DOK6: variants seen among roughly 807,000 people sequenced by gnomAD.
DOK6 encodes docking protein 6.
In DOK6, 22 loss-of-function variants were observed where a neutral mutation model predicts 44.0. That is an observed-to-expected ratio of 0.50 (90% CI 0.36 to 0.71). The LOEUF is 0.71. DOK6 is among the 30% of genes least tolerant of loss of function. DOK6 has a pLI of 0.00. For synonymous variants in DOK6, 166 were observed against 145.5 expected (o/e 1.14, Z -1.01); for missense variants, 340 against 416.4 (o/e 0.82, Z 1.60).
intron 7 of DOK6, among the ~76,000 whole-genome samples, chr18:69,766,769 G>GT: frequency 6.6e-6 from 1 of 152,134 alleles, no homozygotes; most frequent in Non-Finnish European, 1.5e-5. Flanking sequence ...ATACTGTGTT[G>GT]TTTAAGAGTC....
chr18:69,480,723 T>C (rs1343826346), intron 1 of DOK6, among the ~76,000 whole-genome samples: 2 of 152,140 alleles, frequency 1.3e-5, no homozygotes, highest in East Asian at 3.9e-4. Flanking sequence ...TATGGAGATA[T>C]GACTTTGATG....
intron 1 of DOK6, among the ~76,000 whole-genome samples, chr18:69,486,396 T>G (rs995149624): frequency 1.3e-5 from 2 of 152,172 alleles, no homozygotes; most frequent in Non-Finnish European, 2.9e-5. Flanking sequence ...AATGGGACAA[T>G]TAAGACAGTA....
intron 1 of DOK6, among the ~76,000 whole-genome samples, chr18:69,479,740 A>C (rs1365392049): frequency 6.6e-6 from 1 of 152,192 alleles, no homozygotes; most frequent in Non-Finnish European, 1.5e-5. Flanking sequence ...ATTTCTTACC[A>C]TGAGCAGAAA....
intron 1 of DOK6, among the ~76,000 whole-genome samples, chr18:69,447,066 G>A (rs917747101): frequency 7.9e-5 from 12 of 152,108 alleles, no homozygotes; most frequent in South Asian, 4.2e-4. Flanking sequence ...TAATTAGATC[G>A]CATTTGTCAA....
intron 1 of DOK6, among the ~76,000 whole-genome samples, chr18:69,427,846 C>T (rs919382352): frequency 6.6e-5 from 10 of 151,234 alleles, no homozygotes; most frequent in African/African-American, 2.2e-4. Flanking sequence ...GGCGTGATCT[C>T]GGCTCACTGC....
chr18:69,657,319 G>A (rs981600466), intron 3 of DOK6, among the ~76,000 whole-genome samples: 2 of 152,108 alleles, frequency 1.3e-5, no homozygotes, highest in Non-Finnish European at 2.9e-5. Flanking sequence ...ACAGTGACAC[G>A]TGCCACATAT....
intron 3 of DOK6, among the ~76,000 whole-genome samples, chr18:69,601,772 C>T (rs1447495837): frequency 1.3e-5 from 2 of 152,118 alleles, no homozygotes; most frequent in Admixed American, 1.3e-4. Context: ...GGAACCAGGG[C>T]TTCTTGGAGA....
intron 5 of DOK6, among the ~76,000 whole-genome samples, chr18:69,736,011 A>C (rs1978592975): frequency 6.6e-6 from 1 of 152,184 alleles, no homozygotes; most frequent in Non-Finnish European, 1.5e-5. Context: ...AGGTAAAATA[A>C]CTGGCTCAGA....
intron 7 of DOK6, among the ~76,000 whole-genome samples, chr18:69,821,123 G>A (rs192117640): frequency 1.3e-5 from 2 of 152,232 alleles, no homozygotes; most frequent in Non-Finnish European, 2.9e-5. Flanking sequence ...ATACAATCAT[G>A]TGAACCATGC....
chr18:69,430,701 T>G (rs1354351156), intron 1 of DOK6, among the ~76,000 whole-genome samples: 2 of 152,180 alleles, frequency 1.3e-5, no homozygotes, highest in East Asian at 1.9e-4. Flanking sequence ...GCACGGTGGC[T>G]CATGCCTATA....
chr18:69,783,466 A>C (rs1171220484), intron 7 of DOK6, among the ~76,000 whole-genome samples: 2 of 152,194 alleles, frequency 1.3e-5, no homozygotes, highest in Non-Finnish European at 2.9e-5. Context: ...TTTTTAATGT[A>C]GCTACTAGTA....
chr18:69,834,615 A>C (rs79758786), intron 7 of DOK6, among the ~76,000 whole-genome samples: 19,694 of 152,160 alleles, frequency 0.13, 1,403 homozygotes, highest in African/African-American at 0.16. Context: ...CATTCTATAC[A>C]TGTTTCAGAA....
intron 1 of DOK6, among the ~76,000 whole-genome samples, chr18:69,519,119 G>T (rs996203659): frequency 9.9e-5 from 15 of 151,846 alleles, no homozygotes; most frequent in Non-Finnish European, 1.5e-5. Context: ...TATAAGAATG[G>T]GAATATTACT....
At chr18:69,744,944 A>C (rs1978936380) in intron 6 of DOK6, among the ~76,000 whole-genome samples, 2 of 151,302 alleles carry the variant, frequency 1.3e-5, no homozygotes, top group African/African-American at 2.4e-5. Flanking sequence ...AAAAAAAAAA[A>C]AAACACCCAC....
At chr18:69,557,621 TG>T (rs1258283179) in intron 1 of DOK6, among the ~76,000 whole-genome samples, 1 of 152,162 alleles carries the variant, frequency 6.6e-6, no homozygotes, top group Non-Finnish European at 1.5e-5. Context: ...GCTGTGATCC[TG>T]GGAATTCCTG....
chr18:69,574,706 C>T (rs914838136), intron 2 of DOK6, among the ~76,000 whole-genome samples: 39 of 152,012 alleles, frequency 2.6e-4, no homozygotes, highest in African/African-American at 8.7e-4. Flanking sequence ...GGTATAAATA[C>T]CTTACTATGA....
At chr18:69,511,860 T>A (rs1166006798) in intron 1 of DOK6, among the ~76,000 whole-genome samples, 1 of 152,222 alleles carries the variant, frequency 6.6e-6, no homozygotes, top group Non-Finnish European at 1.5e-5. Context: ...AAATTAAGTA[T>A]TCATTAGACT....
chr18:69,405,601 TA>T (rs1265426726), intron 1 of DOK6, among the ~76,000 whole-genome samples: 1 of 148,484 alleles, frequency 6.7e-6, no homozygotes, highest in African/African-American at 2.4e-5. Context: ...CTAAATAAAA[TA>T]AAATAAAATA....
At chr18:69,595,529 A>T (rs1468212983) in intron 2 of DOK6, among the ~76,000 whole-genome samples, 1 of 152,076 alleles carries the variant, frequency 6.6e-6, no homozygotes, top group East Asian at 1.9e-4. Flanking sequence ...ATTTCTTTGG[A>T]CATTGTTTCC....
Sources: gnomAD v4.1 joint callset for allele counts (sites outside exome capture counted in the v4.1 genomes callset) on GRCh38, gnomAD v4.1.1 for gene constraint, MANE v1.5 for transcripts, NCBI Gene and HGNC (gene_info 2026-07-23, HGNC 2026-07-21) for gene names.